Variants in PRKG1 observed in about 807,000 individuals in gnomAD.
PRKG1 encodes cGMP-dependent protein kinase 1.
In PRKG1, 35 loss-of-function variants were observed where a neutral mutation model predicts 88.1. The observed-to-expected ratio is 0.40, with a 90% CI of 0.30 to 0.53. The LOEUF (loss-of-function observed/expected upper bound fraction) is 0.53, where lower values mean the gene tolerates loss of function less well. Ranked by LOEUF, PRKG1 falls within the 20% of genes least tolerant of loss-of-function variation. PRKG1 has a pLI of 0.59. For missense variants in PRKG1, 540 were observed against 839.8 expected (o/e 0.64, Z 4.41); for synonymous variants, 303 against 292.5 (o/e 1.04, Z -0.37).
At chr10:51,798,189 C>T (rs920504506) in intron 3 of PRKG1, among the ~76,000 whole-genome samples, 17 of 151,988 alleles carry the variant, frequency 1.1e-4, no homozygotes, top group African/African-American at 4.1e-4. Context: ...GAATCATATA[C>T]TGATCCCATG....
chr10:51,929,953 G>A (rs116965857), intron 5 of PRKG1, among the ~76,000 whole-genome samples: 26 of 152,252 alleles, frequency 1.7e-4, no homozygotes, highest in Middle Eastern at 3.4e-3. Context: ...ACATAGAAGC[G>A]TTATTGGAAA....
chr10:51,115,385 A>ATATATATAT (rs1554837458), intron 1 of PRKG1, among the ~76,000 whole-genome samples: 14 of 94,544 alleles, frequency 1.5e-4, no homozygotes, highest in East Asian at 5.2e-4. Context: ...ATATATATAT[A>ATATATATAT]AAACAAATGT....
chr10:51,276,812 GT>G (rs985625991), intron 2 of PRKG1, among the ~76,000 whole-genome samples: 3 of 152,154 alleles, frequency 2.0e-5, no homozygotes, highest in Admixed American at 6.5e-5. Context: ...TGATGGGGTT[GT>G]TTTTTTCTCG....
chr10:51,665,914 AAT>A (rs1012456529), intron 3 of PRKG1, among the ~76,000 whole-genome samples: 1 of 151,752 alleles, frequency 6.6e-6, no homozygotes, highest in Admixed American at 6.6e-5. Context: ...GGTATTTATG[AAT>A]ATGTGTGTGT....
At chr10:51,270,135 A>G (rs552042876) in intron 2 of PRKG1, among the ~76,000 whole-genome samples, 76 of 151,596 alleles carry the variant, frequency 5.0e-4, no homozygotes, top group African/African-American at 1.8e-3. Flanking sequence ...ATGCTTGTAG[A>G]AGGGGAGACT....
intron 5 of PRKG1, among the ~76,000 whole-genome samples, chr10:51,957,000 T>C (rs899297393): frequency 6.6e-6 from 1 of 151,232 alleles, no homozygotes; most frequent in Non-Finnish European, 1.5e-5. Context: ...TTCCTCTTTC[T>C]CTTTCTTTCT....
intron 3 of PRKG1, among the ~76,000 whole-genome samples, chr10:51,704,820 A>T (rs908341142): frequency 2.0e-5 from 3 of 152,226 alleles, no homozygotes; most frequent in African/African-American, 7.2e-5. Context: ...TGTGAACTTG[A>T]TGTGAGAGTC....
chr10:51,389,434 C>T (rs1241280631), intron 2 of PRKG1, among the ~76,000 whole-genome samples: 3 of 152,144 alleles, frequency 2.0e-5, no homozygotes, highest in Admixed American at 1.3e-4. Flanking sequence ...CCTCACAGTA[C>T]TAGAATTACT....
At chr10:52,249,071 CCCTTCCCTCT>C (rs1346764127) in intron 9 of PRKG1, among the ~76,000 whole-genome samples, 3 of 114,998 alleles carry the variant, frequency 2.6e-5, no homozygotes, top group Admixed American at 9.6e-5. Context: ...CCCTTCCCTC[CCCTTCCCTCT>C]CCTTCCCTTC....
intron 4 of PRKG1, among the ~76,000 whole-genome samples, chr10:51,817,302 C>G (rs1839611643): frequency 6.6e-6 from 1 of 150,482 alleles, no homozygotes; most frequent in South Asian, 2.1e-4. Context: ...ACCCATCAAC[C>G]CATCATCTAA....
At chr10:51,035,921 C>T (rs192549031) in intron 1 of PRKG1, among the ~76,000 whole-genome samples, 2 of 152,172 alleles carry the variant, frequency 1.3e-5, no homozygotes, top group Admixed American at 1.3e-4. Flanking sequence ...CAATCATAAA[C>T]ACTACTTTTG....
intron 4 of PRKG1, among the ~76,000 whole-genome samples, chr10:51,884,314 G>A (rs7903969): frequency 0.38 from 55,278 of 144,104 alleles, 10,744 homozygotes; most frequent in East Asian, 0.6. Flanking sequence ...GCGTGGTGGC[G>A]CGCGCCTGTA....
intron 3 of PRKG1, among the ~76,000 whole-genome samples, chr10:51,790,148 T>C (rs773018170): frequency 3.3e-5 from 5 of 152,160 alleles, no homozygotes; most frequent in Non-Finnish European, 7.4e-5. Context: ...TTTTCCCTCT[T>C]AACTTTGCAG....
intron 2 of PRKG1, among the ~76,000 whole-genome samples, chr10:51,418,958 G>A (rs1838326838): frequency 6.6e-6 from 1 of 152,094 alleles, no homozygotes; most frequent in Admixed American, 6.5e-5. Context: ...AGATTGTTTT[G>A]GGGGCGAAAG....
At chr10:51,738,543 A>C (rs1218209508) in intron 3 of PRKG1, among the ~76,000 whole-genome samples, 1 of 152,192 alleles carries the variant, frequency 6.6e-6, no homozygotes. Flanking sequence ...TGTTTTGCTA[A>C]TTTGTTTTGT....
chr10:52,216,449 GT>G (rs1284271122), intron 9 of PRKG1, among the ~76,000 whole-genome samples: 1 of 152,164 alleles, frequency 6.6e-6, no homozygotes, highest in Non-Finnish European at 1.5e-5. Flanking sequence ...AGAGCAAAGA[GT>G]TTTGACAATA....
intron 1 of PRKG1, among the ~76,000 whole-genome samples, chr10:51,052,436 G>A (rs1446060089): frequency 6.6e-6 from 1 of 152,140 alleles, no homozygotes; most frequent in Non-Finnish European, 1.5e-5. Context: ...ATAAACAGAT[G>A]TGCACAAATT....
intron 2 of PRKG1, among the ~76,000 whole-genome samples, chr10:51,425,621 C>T (rs755705386): frequency 1.3e-5 from 2 of 152,166 alleles, no homozygotes; most frequent in Admixed American, 6.5e-5. Flanking sequence ...GAGTCTGGTA[C>T]GATGACAACA....
At chr10:51,902,358 T>C (rs35969600) in intron 4 of PRKG1, among the ~76,000 whole-genome samples, 42,634 of 151,946 alleles carry the variant, frequency 0.28, 6,239 homozygotes, top group Admixed American at 0.37. Flanking sequence ...TCAGGTGATC[T>C]GCCTGCCTAG....
Sources: gnomAD v4.1 joint callset for allele counts (sites outside exome capture counted in the v4.1 genomes callset) on GRCh38, gnomAD v4.1.1 for gene constraint, MANE v1.5 for transcripts, NCBI Gene and HGNC (gene_info 2026-07-23, HGNC 2026-07-21) for gene names.